The following NDST4 variants were observed in gnomAD, a reference collection of about 807,000 sequenced individuals.
NDST4 encodes N-deacetylase and N-sulfotransferase 4, also known as N-heparan sulfate sulfotransferase 4.
In NDST4, 63 loss-of-function variants were observed where a neutral mutation model predicts 100.8. That is an observed-to-expected ratio of 0.62 (90% CI 0.51 to 0.77). The LOEUF is 0.77. Ranked by LOEUF, NDST4 falls within the 30% of genes least tolerant of loss-of-function variation. NDST4 has a pLI of 0.00. For missense variants in NDST4, 943 were observed against 1,018.4 expected (o/e 0.93, Z 1.01); for synonymous variants, 377 against 361.8 (o/e 1.04, Z -0.48).
intron 2 of NDST4, among the ~76,000 whole-genome samples, chr4:115,002,425 A>C (rs1166377415): frequency 1.3e-5 from 2 of 152,006 alleles, no homozygotes; most frequent in Non-Finnish European, 2.9e-5. Context: ...GATTACAAAA[A>C]TTTCTCCCAT....
intron 6 of NDST4, among the ~76,000 whole-genome samples, chr4:114,906,625 CT>C (rs1407675531): frequency 6.6e-6 from 1 of 151,854 alleles, no homozygotes; most frequent in Admixed American, 6.6e-5. Flanking sequence ...CATGAACCAT[CT>C]TTTTTACCTC....
chr4:114,919,458 A>T (rs1189650277), intron 6 of NDST4, among the ~76,000 whole-genome samples: 1 of 152,200 alleles, frequency 6.6e-6, no homozygotes, highest in East Asian at 1.9e-4. Context: ...AGGTTTCCAA[A>T]TTCCTGGAAG....
chr4:115,059,704 G>T (rs921492277), intron 2 of NDST4, among the ~76,000 whole-genome samples: 4 of 151,800 alleles, frequency 2.6e-5, no homozygotes, highest in Non-Finnish European at 5.9e-5. Flanking sequence ...TTAAAAAGCG[G>T]GTACATTCAC....
At chr4:115,106,697 A>G (rs924364883) in intron 1 of NDST4, among the ~76,000 whole-genome samples, 2 of 152,146 alleles carry the variant, frequency 1.3e-5, no homozygotes, top group Non-Finnish European at 2.9e-5. Flanking sequence ...AGTTAGTTGA[A>G]TTCACAGATG....
chr4:114,986,810 A>ATATATG (rs1726916649), intron 2 of NDST4, among the ~76,000 whole-genome samples: 1 of 116,854 alleles, frequency 8.6e-6, no homozygotes, highest in African/African-American at 3.4e-5. Flanking sequence ...ATATATATAT[A>ATATATG]TATATATATA....
rs146902052 is a variant in NDST4 at position 115,028,947 on chromosome 4, G to A, written c.978+47112C>T. ...CCACAAAGGATAATACAGTAGCTAA[G>A]AGCCTAAAGGCAGGACTCTATTACT... On this transcript the variant is annotated intron_variant, in intron 2 of 13. Coordinates refer to ENST00000264363, the MANE Select transcript of NDST4 (RefSeq NM_022569.3). Among the ~76,000 whole-genome samples the A allele has an allele frequency of 5.9e-5, 9 of 152,220 alleles. No homozygotes were observed. In the East Asian group the frequency reaches 1.5e-3, roughly 26 times the overall value.
chr4:115,059,846 A>T (rs1728781593), intron 2 of NDST4, among the ~76,000 whole-genome samples: 2 of 151,992 alleles, frequency 1.3e-5, no homozygotes, highest in African/African-American at 4.8e-5. Context: ...AATAGCTCTT[A>T]TAACTTTTAT....
chr4:114,941,963 G>C (rs1184769018), intron 4 of NDST4, among the ~76,000 whole-genome samples: 2 of 152,202 alleles, frequency 1.3e-5, no homozygotes, highest in Non-Finnish European at 2.9e-5. Context: ...GAGACGTCTA[G>C]TGGTTTAAGT....
chr4:114,998,884 A>G (rs996436705), intron 2 of NDST4, among the ~76,000 whole-genome samples: 1 of 152,008 alleles, frequency 6.6e-6, no homozygotes, highest in African/African-American at 2.4e-5. Context: ...TCATCCACCA[A>G]GCCTCATGAT....
At chr4:114,883,354 C>T (rs1180287129) in intron 6 of NDST4, among the ~76,000 whole-genome samples, 3 of 151,952 alleles carry the variant, frequency 2.0e-5, no homozygotes, top group African/African-American at 7.2e-5. Flanking sequence ...TGCACTACAG[C>T]ACTACCTGGG....
chr4:115,016,728 GC>G (rs776507423), intron 2 of NDST4, among the ~76,000 whole-genome samples: 5 of 152,030 alleles, frequency 3.3e-5, no homozygotes, highest in Non-Finnish European at 7.4e-5. Flanking sequence ...GTATTACCAT[GC>G]CCTGTGATTA....
At position 114,844,947 on chromosome 4, in the gene NDST4, A is replaced by C. The variant is rs568794966; in HGVS notation, c.2115+876T>G. Among the ~76,000 whole-genome samples, 48 of 152,288 alleles carry C rather than the reference A, an allele frequency of 3.2e-4. No homozygotes were observed. The South Asian group carries it at 9.9e-3, about 32-fold the overall frequency. On this transcript the variant is annotated intron_variant, in intron 10 of 13. Transcript: ENST00000264363. ...CAAATGAGTTTTCAGAAAATATCTT[A>C]AGTGTACCTTCTATTGGAACACTTG...
chr4:115,051,325 A>G (rs1025466215), intron 2 of NDST4, among the ~76,000 whole-genome samples: 1 of 152,104 alleles, frequency 6.6e-6, no homozygotes, highest in African/African-American at 2.4e-5. Flanking sequence ...TAAAATATAC[A>G]TACAAAATTT....
intron 2 of NDST4, among the ~76,000 whole-genome samples, chr4:115,027,824 C>A (rs1395293283): frequency 2.6e-5 from 4 of 152,042 alleles, no homozygotes; most frequent in African/African-American, 9.7e-5. Flanking sequence ...GAGGCCAAGG[C>A]GGGCAGATCA....
Position 115,106,600 on chromosome 4 carries a change from T to C in NDST4, c.-247+6844A>G, listed in dbSNP as rs1729837902. On this transcript the variant is annotated intron_variant, in intron 1 of 13. Transcript: ENST00000264363. ...ATATGTACATAATTGTTATACTGTA[T>C]TATTTAGAGAGTAATGACAGGAAAA... 2.0e-5 allele frequency among the ~76,000 whole-genome samples: 3 copies of C among 152,262 alleles called. No homozygotes were observed. The East Asian group carries it at 5.8e-4, about 29-fold the overall frequency.
chr4:114,834,745 T>C lies in NDST4; in HGVS notation c.2287-1030A>G, dbSNP rs556222020. 5.3e-5 allele frequency among the ~76,000 whole-genome samples: 8 copies of C among 152,272 alleles called. No individual in the cohort carries two copies. The South Asian group carries it at 1.7e-3, about 32-fold the overall frequency. On this transcript the variant is annotated intron_variant, in intron 11 of 13. Coordinates refer to ENST00000264363, the MANE Select transcript of NDST4 (RefSeq NM_022569.3). The stretch of plus-strand genomic sequence containing the variant: ...TCGGCTGTGAAGCAGTCTGATCCTG[T>C]GTTTTTGGTGGTAGGCTATTAATTA...
intron 12 of NDST4, 95 bp downstream of exon 12, chr4:114,833,511 T>C (rs776202154): frequency 2.4e-5 from 18 of 752,396 alleles, no homozygotes; most frequent in Non-Finnish European, 3.9e-5. Flanking sequence ...ATGTATAAAT[T>C]CTAGCTAGTA....
intron 2 of NDST4, among the ~76,000 whole-genome samples, chr4:115,031,325 A>G (rs1372448255): frequency 6.6e-6 from 1 of 152,076 alleles, no homozygotes; most frequent in Non-Finnish European, 1.5e-5. Flanking sequence ...GTGGGAAAGG[A>G]ATAATGCCTG....
intron 11 of NDST4, 73 bp downstream of exon 11, chr4:114,839,305 A>T: frequency 7.3e-7 from 1 of 1,372,744 alleles, no homozygotes; most frequent in Non-Finnish European, 9.8e-7. Flanking sequence ...TAATTTCAGG[A>T]CATTATAATA....
Sources: allele counts gnomAD v4.1 joint callset (sites outside exome capture counted in the v4.1 genomes callset), GRCh38; gene constraint gnomAD v4.1.1; transcripts MANE v1.5; gene names NCBI Gene and HGNC (gene_info 2026-07-23, HGNC 2026-07-21).